LCT: variants seen among roughly 807,000 people sequenced by gnomAD.
The protein encoded by LCT is lactase, also known as lactase/phlorizin hydrolase.
LCT carries 90 observed loss-of-function variants against 173.0 expected under a neutral mutation model. The observed-to-expected ratio is 0.52, with a 90% CI of 0.44 to 0.62. The LOEUF (loss-of-function observed/expected upper bound fraction) is 0.62. Ranked by LOEUF, LCT falls within the 20% of genes least tolerant of loss-of-function variation. The pLI, the probability that LCT is intolerant of heterozygous loss-of-function variation, is 0.00. For missense variants in LCT, 1,864 were observed against 2,431.4 expected (o/e 0.77, Z 4.91); for synonymous variants, 853 against 957.6 (o/e 0.89, Z 2.02).
Position 135,804,765 on chromosome 2 carries a change from A to ACCT in LCT, c.4463_4464+1dup. ...CCAAGGCCTTGCCAGGACCCACCAT[A>ACCT]CCTGGGGCTGGATGCTGGCGGCCAG... is the stretch of plus-strand genomic sequence containing the variant. On this transcript the variant is annotated splice_donor_variant, in intron 10 of 16. Transcript: ENST00000264162. LOFTEE classifies it high-confidence loss of function. 1 of 1,612,434 alleles carries ACCT rather than the reference A, an allele frequency of 6.2e-7. No homozygotes were observed. The highest frequency in any genetic ancestry group is 8.5e-7 in the Non-Finnish European group (1 of 1,179,998).
In LCT at chr2:135,836,999, C is replaced by A. The variant is rs1679419072; in HGVS notation, c.171G>T (p.Gly57=). 6.2e-7 allele frequency: 1 copy of A among 1,613,780 alleles called. No individual in the cohort carries two copies. The highest frequency in any genetic ancestry group is 1.3e-5 in the African/African-American group (1 of 74,854). The stretch of plus-strand genomic sequence containing the variant: ...GGTGACAAACATACATGTCTTTGTC[C>A]CCTGCTACAAAGTTAGAACTCTGGT... The part of the protein sequence containing the change: ...LGDQSSNFVA[G]DKDMYVCHQP... Residue 57 remains glycine (G), a synonymous_variant, in exon 1 of 17, where the codon GGG becomes GGT. Transcript: ENST00000264162.
chr2:135,836,452 G>A (rs980318084), intron 1 of LCT, 78 bp downstream of exon 1: 5 of 1,314,698 alleles, frequency 3.8e-6, no homozygotes, highest in African/African-American at 1.4e-5. Flanking sequence ...GAGAAATGTC[G>A]AATCTGCTCT....
intron 12 of LCT, among the ~76,000 whole-genome samples, chr2:135,799,650 A>G (rs1575333920): frequency 6.6e-6 from 1 of 152,104 alleles, no homozygotes; most frequent in African/African-American, 2.4e-5. Context: ...GGGTCTCACC[A>G]TGTTGGCCAG....
In LCT at chr2:135,817,661, T is replaced by C; in HGVS notation, c.1387A>G (p.Met463Val). The change falls in exon 6 of 17, where the codon ATG (methionine) becomes GTG (valine). Residue 463 changes from methionine (M) to valine (V), a missense_variant. This residue lies in a region of LCT where 183 missense variants were observed against 293.1 expected (regional missense o/e 0.62). Transcript: ENST00000264162. ...FSISWSRIFPMGHGSSPSLPG... is the reference protein window; with the variant it reads ...FSISWSRIFPVGHGSSPSLPG... Reference sequence around the variant, plus strand: ...AGGCTGGGGCTGCTCCCGTGCCCCATGGGGAAGATCCGGGACCAGGAGATG... The same window carrying C: ...AGGCTGGGGCTGCTCCCGTGCCCCACGGGGAAGATCCGGGACCAGGAGATG... 6.2e-7 allele frequency: 1 copy of C among 1,613,920 alleles called. No homozygotes were observed. Among genetic ancestry groups the C allele is most frequent in the African/African-American group, 1.3e-5 (1 of 75,044 alleles).
Position 135,809,713 on chromosome 2 carries a change from G to A in LCT, c.2634C>T (p.Ser878=), listed in dbSNP as rs1237511940. Residue 878 remains serine (S), a synonymous_variant, in exon 8 of 17, where the codon TCC becomes TCT. Coordinates refer to ENST00000264162, the MANE Select transcript of LCT (RefSeq NM_002299.4). The surrounding 1 kb of genome is among the most constrained non-coding windows in gnomAD (Gnocchi z 5.5). ...RAFTFPSEVP[S]KAKVVWEKFS... ...ACTTTTCCCAAACGACTTTAGCCTT[G>A]GAGGGCACCTCAGATGGAAAAGTGA... The A allele has an allele frequency of 6.2e-7, 1 of 1,614,138 alleles. No individual in the cohort carries two copies. Among genetic ancestry groups the A allele is most frequent in the Non-Finnish European group, 8.5e-7 (1 of 1,180,052 alleles).
chr2:135,829,328 C>T (rs1184995953), intron 3 of LCT, among the ~76,000 whole-genome samples: 15 of 152,162 alleles, frequency 9.9e-5, no homozygotes, highest in African/African-American at 2.7e-4. Flanking sequence ...TCTCAATTCT[C>T]GGCAGATTTC....
rs538160657 is a variant in LCT at position 135,836,693 on chromosome 2, G to C, written c.477C>G (p.Phe159Leu). Reference protein sequence around the residue: ...DLFADYATFAFHSFGDLVGIW... With the variant: ...DLFADYATFALHSFGDLVGIW... Reference sequence around the variant, plus strand: ...TCCCAACTAGGTCCCCGAAGGAGTGGAAGGCGAATGTGGCATAGTCGGCGA... The same window carrying C: ...TCCCAACTAGGTCCCCGAAGGAGTGCAAGGCGAATGTGGCATAGTCGGCGA... The change falls in exon 1 of 17, where the codon TTC becomes TTG. Residue 159 changes from phenylalanine to leucine, a missense_variant. This residue lies in a region of LCT where 412 missense variants were observed against 462.0 expected (regional missense o/e 0.89). Transcript: ENST00000264162. 1 of 1,614,220 alleles carries C rather than the reference G, an allele frequency of 6.2e-7. No individual in the cohort carries two copies. The highest frequency in any genetic ancestry group is 1.1e-5 in the South Asian group (1 of 91,082).
At chr2:135,834,787 CAAA>C (rs60298631) in intron 1 of LCT, among the ~76,000 whole-genome samples, 8 of 34,180 alleles carry the variant, frequency 2.3e-4, no homozygotes, top group South Asian at 3.2e-3. Flanking sequence ...GACTCCATCT[CAAA>C]AAAAAAAAAA....
chr2:135,830,468 A>G (rs2077928408), intron 2 of LCT, among the ~76,000 whole-genome samples: 1 of 151,990 alleles, frequency 6.6e-6, no homozygotes, highest in African/African-American at 2.4e-5. Context: ...TATCCCTCCC[A>G]CTGATCATCT....
chr2:135,825,766 G>T (rs2077884327), intron 3 of LCT, among the ~76,000 whole-genome samples: 1 of 152,354 alleles, frequency 6.6e-6, no homozygotes, highest in South Asian at 2.1e-4. Context: ...GTGCTCCGGG[G>T]AGAGGGTGGG....
chr2:135,814,252 T>C (rs72972138), intron 6 of LCT, among the ~76,000 whole-genome samples: 7,593 of 152,278 alleles, frequency 0.05, 344 homozygotes, highest in African/African-American at 0.12. Context: ...TATTCGTCTT[T>C]AGTTGAGTTC....
At chr2:135,819,911 G>A (rs2077813794) in intron 5 of LCT, among the ~76,000 whole-genome samples, 1 of 152,166 alleles carries the variant, frequency 6.6e-6, no homozygotes, top group Non-Finnish European at 1.5e-5. Flanking sequence ...GGATGAAACA[G>A]AACTTGCTGT....
rs1270131938 is a variant in LCT at position 135,809,390 on chromosome 2, G to T, written c.2957C>A (p.Thr986Asn). ...FSISWSRIFP[T>N]GRNSSINSHG... ...ACTGTTGATAGAGCTGTTTCTCCCA[G>T]TTGGGAAAATCCGAGACCAGGAGAT... The change falls in exon 8 of 17, where the codon ACT (threonine) becomes AAT (asparagine). Residue 986 changes from threonine (T) to asparagine (N), a missense_variant. Coordinates refer to ENST00000264162, the MANE Select transcript of LCT (RefSeq NM_002299.4). The surrounding 1 kb of genome is among the most constrained non-coding windows in gnomAD (Gnocchi z 5.5). The T allele has an allele frequency of 6.2e-7, 1 of 1,614,208 alleles. No homozygotes were observed.
chr2:135,836,019 T>TATATATATATAC (rs1444886921), intron 1 of LCT, among the ~76,000 whole-genome samples: 4 of 110,464 alleles, frequency 3.6e-5, no homozygotes, highest in African/African-American at 9.6e-5. Flanking sequence ...TATATATGTA[T>TATATATATATAC]ACATATTTTT....
rs781416672 is a variant in LCT, at chr2:135,790,672, T to C, written c.5321A>G (p.Asn1774Ser). The C allele has an allele frequency of 2.5e-6, 4 of 1,610,514 alleles. No individual in the cohort carries two copies. Among genetic ancestry groups the C allele is most frequent in the African/African-American group, 1.3e-5 (1 of 74,950 alleles). ...GCCCGTCGTACCTTTGAGGGCCTCA[T>C]TGATGTAAGTCCGAAGGTAGTAGAT... ...ARIYYLRTYI[N>S]EALKAVQDKV... Residue 1774 changes from asparagine to serine, a missense_variant, in exon 15 of 17, where the codon AAT becomes AGT. Physicochemically the swap from Asn to Ser is conservative, Grantham distance 46. Transcript: ENST00000264162. The surrounding 1 kb of genome is among the most constrained non-coding windows in gnomAD (Gnocchi z 4.1).
intron 3 of LCT, 118 bp from the exon 4 acceptor site, chr2:135,824,121 T>C (rs2077862819): frequency 1.4e-6 from 1 of 731,148 alleles, no homozygotes; most frequent in Non-Finnish European, 2.5e-6. Context: ...AAATGACCTC[T>C]AAGTATCTCA....
At position 135,803,918 on chromosome 2, in the gene LCT, G is replaced by T; in HGVS notation, c.4663+12C>A. ...TGATTCAAAGAGCCTATGAGCCAGG[G>T]CTGGGACTTACCTGGAGCTGCTGTT... On this transcript the variant is annotated intron_variant, in intron 11 of 16. Transcript: ENST00000264162. 1 of 1,610,658 alleles carries T rather than the reference G, an allele frequency of 6.2e-7. No homozygotes were observed. The highest frequency in any genetic ancestry group is 8.5e-7 in the Non-Finnish European group (1 of 1,177,582).
chr2:135,807,013 C>G, intron 9 of LCT, 115 bp downstream of exon 9: 1 of 1,235,348 alleles, frequency 8.1e-7, no homozygotes. Flanking sequence ...TGCTGCCCCT[C>G]CATGGGTCTG....
chr2:135,809,381 T>C lies in LCT; in HGVS notation c.2966A>G (p.Asn989Ser). ...SWSRIFPTGR[N>S]SSINSHGVDY... ...AACCCCATGACTGTTGATAGAGCTG[T>C]TTCTCCCAGTTGGGAAAATCCGAGA... The change falls in exon 8 of 17, where the codon AAC (asparagine) becomes AGC (serine). Residue 989 changes from asparagine (N) to serine (S), a missense_variant. Physicochemically the swap from Asn to Ser is conservative, Grantham distance 46. Transcript: ENST00000264162. This position sits in a 1 kb window ranked among gnomAD's most constrained non-coding sequence, Gnocchi z 5.5. 1 of 1,614,210 alleles carries C rather than the reference T, an allele frequency of 6.2e-7. No individual in the cohort carries two copies. Among genetic ancestry groups the C allele is most frequent in the East Asian group, 2.2e-5 (1 of 44,880 alleles).
Sources: allele counts gnomAD v4.1 joint callset (sites outside exome capture counted in the v4.1 genomes callset), GRCh38; gene constraint gnomAD v4.1.1; regional missense constraint gnomAD v4.1.1; non-coding constraint Gnocchi (gnomAD v3.1); transcripts MANE v1.5; gene names NCBI Gene and HGNC (gene_info 2026-07-23, HGNC 2026-07-21).